ENPP1: variants seen among roughly 807,000 people sequenced by gnomAD.
ENPP1 encodes the protein ectonucleotide pyrophosphatase/phosphodiesterase family member 1.
In ENPP1, 73 loss-of-function variants were observed where a neutral mutation model predicts 122.8. The observed-to-expected ratio is 0.59, with a 90% CI of 0.49 to 0.72. ENPP1 has a LOEUF of 0.72. ENPP1 is among the 30% of genes least tolerant of loss of function. The probability of loss-of-function intolerance (pLI) is 0.00; values close to 1 mark genes in which losing one functional copy is unlikely to be tolerated. For synonymous variants in ENPP1, 367 were observed against 391.6 expected, an observed-to-expected ratio of 0.94 and a Z score of 0.74; for missense variants, 978 against 1,128.1, an observed-to-expected ratio of 0.87 and a Z score of 1.91.
chr6:131,886,776 A>T, intron 24 of ENPP1, 52 bp downstream of exon 24: 1 of 1,502,514 alleles, frequency 6.7e-7, no homozygotes, highest in Non-Finnish European at 9.2e-7. Flanking sequence ...AGACATATGC[A>T]TATTTGTTTA....
chr6:131,835,948 G>A (rs1781667862), intron 1 of ENPP1, among the ~76,000 whole-genome samples: 1 of 152,052 alleles, frequency 6.6e-6, no homozygotes, highest in Non-Finnish European at 1.5e-5. Context: ...AAAGGTTAAA[G>A]GCCCAGATCC....
At chr6:131,843,956 T>A (rs1781773194) in intron 1 of ENPP1, among the ~76,000 whole-genome samples, 2 of 152,044 alleles carry the variant, frequency 1.3e-5, no homozygotes, top group South Asian at 4.1e-4. Context: ...TACCTTAGTT[T>A]GTTTTGTGTG....
chr6:131,889,758 C>G (rs143827592), intron 24 of ENPP1, among the ~76,000 whole-genome samples: 1 of 152,034 alleles, frequency 6.6e-6, no homozygotes, highest in East Asian at 1.9e-4. Flanking sequence ...CATATGCGTG[C>G]GTGTATCTGT....
intron 1 of ENPP1, among the ~76,000 whole-genome samples, chr6:131,838,700 T>G (rs1202431818): frequency 6.6e-6 from 1 of 151,076 alleles, no homozygotes; most frequent in African/African-American, 2.4e-5. Flanking sequence ...AAAGAAAAGA[T>G]AAGATTACTC....
At chr6:131,877,306 G>A in intron 18 of ENPP1, 145 bp downstream of exon 18, 1 of 780,882 alleles carries the variant, frequency 1.3e-6, no homozygotes, top group East Asian at 2.7e-5. Flanking sequence ...GGGGGCGCAT[G>A]TAGATCTTTT....
At chr6:131,884,354 A>G (rs1782350119) in intron 22 of ENPP1, among the ~76,000 whole-genome samples, 1 of 152,338 alleles carries the variant, frequency 6.6e-6, no homozygotes, top group East Asian at 1.9e-4. Context: ...ATGATGACAT[A>G]TGATCACAAT....
At chr6:131,863,290 A>G (rs1782046216) in intron 9 of ENPP1, among the ~76,000 whole-genome samples, 2 of 152,230 alleles carry the variant, frequency 1.3e-5, no homozygotes, top group Non-Finnish European at 2.9e-5. Flanking sequence ...TAAGAAACTG[A>G]TTAGAATAAC....
chr6:131,808,676 A>G (rs1781312330), intron 1 of ENPP1, among the ~76,000 whole-genome samples: 1 of 152,210 alleles, frequency 6.6e-6, no homozygotes, highest in Non-Finnish European at 1.5e-5. Flanking sequence ...CGCAGTATAC[A>G]TGACTTCACT....
intron 1 of ENPP1, among the ~76,000 whole-genome samples, chr6:131,818,209 G>C (rs1313030125): frequency 6.6e-6 from 1 of 151,924 alleles, no homozygotes; most frequent in Non-Finnish European, 1.5e-5. Context: ...TTACACCGTG[G>C]TATTAAAGGA....
intron 24 of ENPP1, among the ~76,000 whole-genome samples, chr6:131,888,642 A>G (rs1403272081): frequency 1.3e-5 from 2 of 152,178 alleles, no homozygotes; most frequent in Non-Finnish European, 2.9e-5. Flanking sequence ...GTTCCTATAG[A>G]ACACATTTCT....
intron 1 of ENPP1, chr6:131,820,140 T>G (rs1027507561): frequency 3.0e-6 from 1 of 338,518 alleles, no homozygotes; most frequent in Non-Finnish European, 5.6e-6. Context: ...TTTAAGAGAT[T>G]ACTACTTTTA....
chr6:131,883,924 A>G, intron 22 of ENPP1, 150 bp downstream of exon 22: 1 of 570,694 alleles, frequency 1.8e-6, no homozygotes, highest in African/African-American at 1.9e-5. Context: ...CTAGTACACA[A>G]AAATTCTACA....
chr6:131,874,480 C>A, intron 16 of ENPP1, 143 bp downstream of exon 16: 1 of 603,120 alleles, frequency 1.7e-6, no homozygotes, highest in Non-Finnish European at 2.9e-6. Flanking sequence ...TTTCTTTGAA[C>A]ATTAAAGAAT....
intron 5 of ENPP1, among the ~76,000 whole-genome samples, chr6:131,853,169 T>C (rs1458545699): frequency 6.6e-6 from 1 of 152,166 alleles, no homozygotes; most frequent in Non-Finnish European, 1.5e-5. Context: ...TCTTCTTTTT[T>C]TTCTTTTGGA....
chr6:131,874,288 A>G lies in ENPP1; in HGVS notation c.1586A>G (p.Tyr529Cys). The G allele has an allele frequency of 6.3e-7, 1 of 1,595,366 alleles. No individual in the cohort carries two copies. The highest frequency in any genetic ancestry group is 1.1e-5 in the South Asian group (1 of 90,628). The change falls in exon 16 of 25, where the codon TAT (tyrosine) becomes TGT (cysteine). Residue 529 changes from tyrosine to cysteine, a missense_variant. Transcript: ENST00000647893. ...QLALNPSERK[Y>C]CGSGFHGSDN... The stretch of plus-strand genomic sequence containing the variant: ...ATTAGGAATCCCTCAGAAAGGAAAT[A>G]TTGTGGAAGTGGATTTCATGGCTCT...
At chr6:131,875,946 C>T (rs1782226261) in intron 17 of ENPP1, 83 bp downstream of exon 17, 1 of 1,103,026 alleles carries the variant, frequency 9.1e-7, no homozygotes, top group African/African-American at 1.5e-5. Context: ...TTGTAGGCAA[C>T]TTTGTGGAGA....
At chr6:131,855,354 C>G (rs1781932090) in intron 6 of ENPP1, among the ~76,000 whole-genome samples, 1 of 152,106 alleles carries the variant, frequency 6.6e-6, no homozygotes. Context: ...GAGACTGAGT[C>G]TCACTCTGTC....
intron 6 of ENPP1, among the ~76,000 whole-genome samples, chr6:131,855,741 T>A (rs1308624216): frequency 6.6e-6 from 1 of 152,132 alleles, no homozygotes; most frequent in Non-Finnish European, 1.5e-5. Flanking sequence ...TCCTTTGGAT[T>A]GAATTGGACT....
intron 20 of ENPP1, among the ~76,000 whole-genome samples, chr6:131,880,820 G>A (rs1023594908): frequency 5.3e-5 from 8 of 152,036 alleles, no homozygotes; most frequent in African/African-American, 9.7e-5. Flanking sequence ...AGGAAGACAC[G>A]AGCCCAAACC....
Sources: gnomAD v4.1 joint callset for allele counts (sites outside exome capture counted in the v4.1 genomes callset) on GRCh38, gnomAD v4.1.1 for gene constraint, MANE v1.5 for transcripts, NCBI Gene and HGNC (gene_info 2026-07-23, HGNC 2026-07-21) for gene names.